The following C22orf23 variants were observed in gnomAD, a reference collection of about 807,000 sequenced individuals.
The protein encoded by C22orf23 is chromosome 22 open reading frame 23, also known as UPF0193 protein EVG1.
A neutral mutation model predicts 29.7 loss-of-function variants in C22orf23; 30 were observed. The ratio of observed to expected loss-of-function variants is 1.01; its 90% confidence interval spans 0.76 to 1.37. The LOEUF (loss-of-function observed/expected upper bound fraction) is 1.37, where lower values mean the gene tolerates loss of function less well. Ranked by LOEUF, C22orf23 falls within the 40% of genes most tolerant of loss-of-function variation. The pLI is 0.00. For synonymous variants in C22orf23, 90 were observed against 96.1 expected (o/e 0.94, Z 0.37); for missense variants, 237 against 273.1 (o/e 0.87, Z 0.93).
At chr22:37,952,123 G>A (rs181934245) in intron 2 of C22orf23, among the ~76,000 whole-genome samples, 1 of 152,094 alleles carries the variant, frequency 6.6e-6, no homozygotes, top group African/African-American at 2.4e-5. Flanking sequence ...TTTCACTGCT[G>A]TATCCCCAGC....
Position 37,953,118 on chromosome 22 carries a change from G to A in C22orf23, c.32C>T (p.Thr11Ile). 1.2e-6 allele frequency: 2 copies of A among 1,613,974 alleles called. No homozygotes were observed. Among genetic ancestry groups the A allele is most frequent in the Non-Finnish European group, 8.5e-7 (1 of 1,179,942 alleles). Residue 11 changes from threonine (T) to isoleucine (I), a missense_variant, in exon 2 of 7, where the codon ACC (threonine) becomes ATC (isoleucine). Physicochemically the swap from Thr to Ile is moderately conservative, Grantham distance 89 (BLOSUM62 -1). Coordinates refer to ENST00000403305, the MANE Select transcript of C22orf23 (RefSeq NM_032561.5). ...GCGGCGCCGGAACCCAGTTCCTTTG[G>A]TCACTACCTCCATCTGCTTCTGTGA... MASQKQMEVV[T>I]KGTGFRRRPK...
intron 4 of C22orf23, 57 bp from the exon 5 acceptor site, chr22:37,945,230 G>A (rs1160603420): frequency 7.0e-6 from 11 of 1,572,486 alleles, no homozygotes; most frequent in Admixed American, 5.6e-5. Flanking sequence ...CTTATTCATG[G>A]TCTGTGTTCC....
At chr22:37,953,372 TC>T in intron 1 of C22orf23, 75 bp downstream of exon 1, 1 of 576,556 alleles carries the variant, frequency 1.7e-6, no homozygotes, top group South Asian at 2.1e-5. Context: ...CAGGGAAGTC[TC>T]CTCGGGAGGG....
chr22:37,953,231 C>T lies in C22orf23; in HGVS notation c.-9-73G>A, dbSNP rs905874664. 7 of 1,065,808 alleles carry T rather than the reference C, an allele frequency of 6.6e-6. 1 individual carries two copies. The highest frequency in any genetic ancestry group is 4.4e-4 in the Middle Eastern group (2 of 4,570). 66.0% of individuals were successfully genotyped at this position (1,065,808 alleles called of 1,614,324 possible). A position where few individuals can be genotyped will look rare whatever the true frequency, so the allele number is the denominator to read the frequency against. ...ATCTCTGTTCCCCGACGCCCAACACCCCCAGAAGTCTGGAAGCGGGGATCG... is the reference window on the plus strand; with the variant it reads ...ATCTCTGTTCCCCGACGCCCAACACTCCCAGAAGTCTGGAAGCGGGGATCG... On this transcript the variant is annotated intron_variant, in intron 1 of 6. Coordinates refer to ENST00000403305, the MANE Select transcript of C22orf23 (RefSeq NM_032561.5).
In C22orf23 at chr22:37,944,102, G is replaced by C; in HGVS notation, c.*73C>G. The stretch of plus-strand genomic sequence containing the variant: ...GGCTGGTAGGATGGGCTGGCCTGAG[G>C]ATGGCCCTGCCTGGCAGAGGAGTGG... On this transcript the variant is annotated 3_prime_UTR_variant, in exon 7 of 7. Coordinates refer to ENST00000403305, the MANE Select transcript of C22orf23 (RefSeq NM_032561.5). The C allele has an allele frequency of 7.1e-7, 1 of 1,405,864 alleles. No individual in the cohort carries two copies. The highest frequency in any genetic ancestry group is 1.2e-5 in the South Asian group (1 of 86,934). The allele number at this position is 1,405,864 out of a possible 1,614,324, so 87.1% of individuals were successfully genotyped here. A position where few individuals can be genotyped will look rare whatever the true frequency, so the allele number is the denominator to read the frequency against.
intron 3 of C22orf23, 68 bp downstream of exon 3, chr22:37,951,392 A>C: frequency 7.2e-7 from 1 of 1,393,782 alleles, no homozygotes; most frequent in Non-Finnish European, 1.0e-6. Context: ...CTCCCTTAAC[A>C]TGGAGAAGCA....
Position 37,953,583 on chromosome 22 carries a change from T to C in C22orf23, c.-145A>G, listed in dbSNP as rs542740305. 7.9e-5 allele frequency: 48 copies of C among 609,448 alleles called. No individual in the cohort carries two copies. In the African/African-American group the frequency reaches 8.7e-4, roughly 11 times the overall value. The allele number at this position is 609,448 out of a possible 1,614,324, so 37.8% of individuals were successfully genotyped here. On this transcript the variant is annotated 5_prime_UTR_variant, in exon 1 of 7. Transcript: ENST00000403305. ...GATCTGGGCTGCTGGAGCTGGCAGC[T>C]AGCGCCTCTCGCTACTATAGAAACG...
intron 3 of C22orf23, among the ~76,000 whole-genome samples, chr22:37,950,159 C>G (rs775810514): frequency 1.3e-5 from 2 of 152,012 alleles, no homozygotes; most frequent in Non-Finnish European, 2.9e-5. Context: ...GTCACCCACA[C>G]TGGAGTGCAG....
chr22:37,951,797 CTTTTTTTTTTTTTTTTTTTTTTTTT>C, intron 2 of C22orf23: 1 of 36,498 alleles, frequency 2.7e-5, no homozygotes, highest in South Asian at 1.3e-3. Flanking sequence ...TCCTCTTTCT[CTTTTTTTTTTTTTTTTTTTTTTTTT>C]TTTTTTTTTT....
chr22:37,948,259 C>T (rs1930820210), intron 3 of C22orf23, among the ~76,000 whole-genome samples: 1 of 152,072 alleles, frequency 6.6e-6, no homozygotes, highest in Non-Finnish European at 1.5e-5. Flanking sequence ...ACCAGCCTGG[C>T]CAACATGGTG....
chr22:37,948,785 G>A (rs1041649288), intron 3 of C22orf23, among the ~76,000 whole-genome samples: 9 of 152,080 alleles, frequency 5.9e-5, no homozygotes, highest in African/African-American at 2.2e-4. Context: ...AAAGATATAT[G>A]TGCATATAAG....
At chr22:37,946,258 C>CAA (rs770526364) in intron 4 of C22orf23, among the ~76,000 whole-genome samples, 8 of 128,902 alleles carry the variant, frequency 6.2e-5, no homozygotes, top group African/African-American at 2.0e-4. Context: ...GACTCAGTCT[C>CAA]AAAAAAAAAA....
chr22:37,951,918 G>A (rs911846521), intron 2 of C22orf23: 1 of 143,310 alleles, frequency 7.0e-6, no homozygotes, highest in Non-Finnish European at 1.5e-5. Flanking sequence ...TGGGTTCAAG[G>A]AATTCTCCTG....
At chr22:37,952,722 T>A (rs980043437) in intron 2 of C22orf23, 6 of 243,356 alleles carry the variant, frequency 2.5e-5, no homozygotes, top group Admixed American at 1.1e-4. Context: ...CAACCCTCCG[T>A]CCGTGGACTG....
chr22:37,951,639 C>G (rs1931016755), intron 2 of C22orf23, 117 bp from the exon 3 acceptor site: 2 of 728,366 alleles, frequency 2.7e-6, no homozygotes, highest in South Asian at 2.1e-5. Context: ...AGCATGCCTT[C>G]TCTATCTTTC....
chr22:37,950,673 G>A (rs1011389361), intron 3 of C22orf23, among the ~76,000 whole-genome samples: 7 of 151,992 alleles, frequency 4.6e-5, no homozygotes, highest in East Asian at 2.0e-4. Context: ...TTGGGAGGCC[G>A]AGGCGGGCAG....
chr22:37,944,308 C>A, intron 6 of C22orf23, 62 bp from the exon 7 acceptor site: 1 of 1,613,826 alleles, frequency 6.2e-7, no homozygotes, highest in Non-Finnish European at 8.5e-7. Flanking sequence ...GCTGTCACAG[C>A]AGTGAGCTAG....
chr22:37,953,248 CGG>C, intron 1 of C22orf23, 90 bp from the exon 2 acceptor site: 1 of 899,408 alleles, frequency 1.1e-6, no homozygotes, highest in Non-Finnish European at 1.7e-6. Flanking sequence ...AGTCTGGAAG[CGG>C]GGATCGAGCC....
chr22:37,948,652 C>G (rs986164720), intron 3 of C22orf23, among the ~76,000 whole-genome samples: 2 of 152,000 alleles, frequency 1.3e-5, no homozygotes, highest in African/African-American at 4.8e-5. Flanking sequence ...CAAAACAAAA[C>G]AAGTCAAACA....
Sources: gnomAD v4.1 joint callset for allele counts (sites outside exome capture counted in the v4.1 genomes callset) on GRCh38, gnomAD v4.1.1 for gene constraint, MANE v1.5 for transcripts, NCBI Gene and HGNC (gene_info 2026-07-23, HGNC 2026-07-21) for gene names.